Variants in FAM177B observed in about 807,000 individuals in gnomAD.
FAM177B encodes protein FAM177B.
Under a neutral mutation model 16.1 loss-of-function variants are expected in FAM177B, and 16 were observed. The ratio of observed to expected loss-of-function variants is 0.99; its 90% CI spans 0.67 to 1.51. The LOEUF (loss-of-function observed/expected upper bound fraction) is 1.51. Among genes scored for constraint, FAM177B ranks in the 40% most tolerant of loss-of-function variants. The probability of loss-of-function intolerance (pLI) is 0.00; values close to 1 mark genes in which losing one functional copy is unlikely to be tolerated. For missense variants in FAM177B, 178 were observed against 183.7 expected (o/e 0.97, Z 0.18); for synonymous variants, 56 against 59.9 (o/e 0.93, Z 0.30).
intron 2 of FAM177B, among the ~76,000 whole-genome samples, chr1:222,739,342 A>G (rs1658424255): frequency 6.6e-6 from 1 of 152,228 alleles, no homozygotes; most frequent in Non-Finnish European, 1.5e-5. Context: ...GCTTTCTGCA[A>G]TACACCAAAT....
At chr1:222,741,827 TTTC>T (rs1558246876) in intron 2 of FAM177B, among the ~76,000 whole-genome samples, 2 of 148,554 alleles carry the variant, frequency 1.3e-5, no homozygotes, top group Non-Finnish European at 3.0e-5. Flanking sequence ...TTCTTTCTTT[TTTC>T]TTTCTTTCTT....
intron 2 of FAM177B, among the ~76,000 whole-genome samples, chr1:222,746,328 CT>C (rs1658794367): frequency 6.6e-6 from 1 of 152,196 alleles, no homozygotes; most frequent in Non-Finnish European, 1.5e-5. Flanking sequence ...TGTTTGAAGA[CT>C]GTAAGTTCAC....
At chr1:222,745,720 G>C (rs1658764422) in intron 2 of FAM177B, among the ~76,000 whole-genome samples, 1 of 152,178 alleles carries the variant, frequency 6.6e-6, no homozygotes, top group Non-Finnish European at 1.5e-5. Flanking sequence ...TCAGGAGTTT[G>C]AGACCAGCCT....
intron 2 of FAM177B, among the ~76,000 whole-genome samples, chr1:222,741,569 C>A (rs1658534482): frequency 6.6e-6 from 1 of 151,414 alleles, no homozygotes; most frequent in South Asian, 2.1e-4. Context: ...TCTCTGTCGC[C>A]CAGGCTAGAG....
chr1:222,738,659 C>G (rs928308880), intron 2 of FAM177B, among the ~76,000 whole-genome samples: 1 of 149,176 alleles, frequency 6.7e-6, no homozygotes, highest in African/African-American at 2.5e-5. Flanking sequence ...AAAGCAAGAC[C>G]GTGTCTCAAA....
At position 222,737,945 on chromosome 1, in the gene FAM177B, T is replaced by G. The variant is rs1191494206; in HGVS notation, c.-92T>G. On this transcript the variant is annotated 5_prime_UTR_variant, in exon 2 of 6. Coordinates refer to ENST00000445590, the MANE Select transcript of FAM177B (RefSeq NM_001394345.1). Reference sequence around the variant, plus strand: ...GATTAAAGAAGAACCAAGAATGACTTTAGTGTTGTTGGCCTGAGCAACTGG... The same window carrying G: ...GATTAAAGAAGAACCAAGAATGACTGTAGTGTTGTTGGCCTGAGCAACTGG... 2 of 152,082 alleles carry G rather than the reference T, an allele frequency of 1.3e-5. No individual in the cohort carries two copies. The highest frequency in any genetic ancestry group is 1.3e-4 in the Admixed American group (2 of 15,258). The allele number at this position is 152,082 out of a possible 1,614,324, so 9.4% of individuals were successfully genotyped here.
At chr1:222,741,790 TTC>T (rs1558246788) in intron 2 of FAM177B, among the ~76,000 whole-genome samples, 2 of 146,910 alleles carry the variant, frequency 1.4e-5, no homozygotes, top group African/African-American at 5.0e-5. Context: ...TTCTTTTTCT[TTC>T]TTTCTTTCTC....
At chr1:222,744,018 C>T (rs1007716530) in intron 2 of FAM177B, among the ~76,000 whole-genome samples, 12 of 152,162 alleles carry the variant, frequency 7.9e-5, no homozygotes, top group African/African-American at 2.4e-4. Context: ...ATCTCTATCC[C>T]TAGGTCTCTC....
At chr1:222,741,928 C>CTTTCTTTCTT (rs1417046073) in intron 2 of FAM177B, among the ~76,000 whole-genome samples, 1 of 84,742 alleles carries the variant, frequency 1.2e-5, no homozygotes, top group South Asian at 4.7e-4. Flanking sequence ...CTCTCTCTCT[C>CTTTCTTTCTT]TCTTTCTTTC....
chr1:222,749,488 T>C lies in FAM177B; in HGVS notation c.265T>C (p.Phe89Leu). 1 of 1,609,238 alleles carries C rather than the reference T, an allele frequency of 6.2e-7. No homozygotes were observed. The highest frequency in any genetic ancestry group is 1.1e-5 in the South Asian group (1 of 90,438). The change falls in exon 5 of 6, where the codon TTT becomes CTT. Residue 89 changes from phenylalanine to leucine, a missense_variant. By Grantham distance (22) the Phe-to-Leu change is conservative. Coordinates refer to ENST00000445590, the MANE Select transcript of FAM177B (RefSeq NM_001394345.1). ...FSTCEFLGGR[F>L]AVFFGLTQPK... ...AGCATGTGAATTCCTTGGTGGAAGATTTGCTGTCTTCTTTGGTCTTACTCA... is the reference window on the plus strand; with the variant it reads ...AGCATGTGAATTCCTTGGTGGAAGACTTGCTGTCTTCTTTGGTCTTACTCA...
chr1:222,750,250 T>TATCAGTATGTGTTAAAC lies in FAM177B; in HGVS notation c.*192_*193insATCAGTATGTGTTAAAC. 1 of 1,390,312 alleles carries TATCAGTATGTGTTAAAC rather than the reference T, an allele frequency of 7.2e-7. No individual in the cohort carries two copies. The allele number at this position is 1,390,312 out of a possible 1,614,324, so 86.1% of individuals were successfully genotyped here. On this transcript the variant is annotated 3_prime_UTR_variant, in exon 6 of 6. Transcript: ENST00000445590. ...AGCATCCAGGAATTACAAGCAATAA[T>TATCAGTATGTGTTAAAC]GAGAGTAATTTTGGACACTTTCTCA...
intron 2 of FAM177B, among the ~76,000 whole-genome samples, chr1:222,740,452 C>T (rs1286571023): frequency 6.6e-6 from 1 of 152,078 alleles, no homozygotes; most frequent in Non-Finnish European, 1.5e-5. Flanking sequence ...TTTCCTCTCT[C>T]TTGCCTTCTT....
chr1:222,741,715 C>G, intron 2 of FAM177B, among the ~76,000 whole-genome samples: 1 of 150,958 alleles, frequency 6.6e-6, no homozygotes, highest in East Asian at 2.0e-4. Flanking sequence ...TTCCTTCCTT[C>G]CTTCCTTCCT....
Position 222,747,162 on chromosome 1 carries a change from A to G in FAM177B, c.241+81A>G, listed in dbSNP as rs576297239. ...GCCCTCAGAGTATGTGGGACTTCCA[A>G]TTGTGTAAGCCACTCCATCGCATCC... is the stretch of plus-strand genomic sequence containing the variant. On this transcript the variant is annotated intron_variant, in intron 4 of 5. Transcript: ENST00000445590. 33 of 948,556 alleles carry G rather than the reference A, an allele frequency of 3.5e-5. No individual in the cohort carries two copies. The South Asian group carries it at 3.9e-4, about 11-fold the overall frequency. 58.8% of individuals were successfully genotyped at this position (948,556 alleles called of 1,614,324 possible). A position where few individuals can be genotyped will look rare whatever the true frequency, so the allele number is the denominator to read the frequency against.
chr1:222,741,901 CCTCCCTCT>C (rs1209287511), intron 2 of FAM177B, among the ~76,000 whole-genome samples: 8 of 46,300 alleles, frequency 1.7e-4, no homozygotes, highest in African/African-American at 6.4e-4. Context: ...TCCCTCCCTC[CCTCCCTCT>C]CTCTCTCTCT....
chr1:222,746,538 G>A lies in FAM177B; in HGVS notation c.-8G>A, dbSNP rs368658830. Reference sequence around the variant, plus strand: ...CTGTTTTTAATTTTCTAGTTGTTTTGTTTCATTATGGAGATTGACGGTTTC... The same window carrying A: ...CTGTTTTTAATTTTCTAGTTGTTTTATTTCATTATGGAGATTGACGGTTTC... On this transcript the variant is annotated 5_prime_UTR_variant, in exon 3 of 6. Coordinates refer to ENST00000445590, the MANE Select transcript of FAM177B (RefSeq NM_001394345.1). 3.7e-4 allele frequency: 584 copies of A among 1,571,134 alleles called. 2 individuals are homozygous for A. The highest frequency in any genetic ancestry group is 4.2e-4 in the Non-Finnish European group (486 of 1,152,936).
chr1:222,741,653 C>T (rs1471314784), intron 2 of FAM177B, among the ~76,000 whole-genome samples: 1 of 151,920 alleles, frequency 6.6e-6, no homozygotes, highest in East Asian at 1.9e-4. Context: ...TCAGCTCAGT[C>T]TCCCAAGTAG....
rs1658992614 is a variant in FAM177B, at chr1:222,750,205, C to T, written c.*147C>T. ...CTTCTGAGCCAGATCTGATCCTAATCTCTGTGTGACTTAGTCTCAAGCATC... is the reference window on the plus strand; with the variant it reads ...CTTCTGAGCCAGATCTGATCCTAATTTCTGTGTGACTTAGTCTCAAGCATC... On this transcript the variant is annotated 3_prime_UTR_variant, in exon 6 of 6. Transcript: ENST00000445590. 4.1e-6 allele frequency: 6 copies of T among 1,448,528 alleles called. No individual in the cohort carries two copies. The highest frequency in any genetic ancestry group is 1.4e-5 in the African/African-American group (1 of 70,470). The allele number at this position is 1,448,528 out of a possible 1,614,324, so 89.7% of individuals were successfully genotyped here. A position where few individuals can be genotyped will look rare whatever the true frequency, so the allele number is the denominator to read the frequency against.
chr1:222,750,139 C>G lies in FAM177B; in HGVS notation c.*81C>G. The G allele has an allele frequency of 6.4e-7, 1 of 1,551,360 alleles. No individual in the cohort carries two copies. The highest frequency in any genetic ancestry group is 1.4e-5 in the African/African-American group (1 of 72,478). ...GACTGCAGTTTCCCTGGATCTGTTC[C>G]TTGGCCATTGATTACCATGGCAACA... On this transcript the variant is annotated 3_prime_UTR_variant, in exon 6 of 6. Coordinates refer to ENST00000445590, the MANE Select transcript of FAM177B (RefSeq NM_001394345.1).
Sources: allele counts gnomAD v4.1 joint callset (sites outside exome capture counted in the v4.1 genomes callset), GRCh38; gene constraint gnomAD v4.1.1; transcripts MANE v1.5; gene names NCBI Gene and HGNC (gene_info 2026-07-23, HGNC 2026-07-21).